The following PIP5K1A variants were observed in gnomAD, a reference collection of about 807,000 sequenced individuals.
PIP5K1A encodes phosphatidylinositol 4-phosphate 5-kinase type-1 alpha.
A neutral mutation model predicts 72.9 loss-of-function variants in PIP5K1A; 46 were observed. The ratio of observed to expected loss-of-function variants is 0.63; its 90% confidence interval spans 0.50 to 0.81. PIP5K1A has a LOEUF of 0.81. Among genes scored for constraint, PIP5K1A ranks in the 30% least tolerant of loss-of-function variants. The pLI is 0.00. For missense variants in PIP5K1A, 458 were observed against 706.1 expected, an observed-to-expected ratio of 0.65 and a Z score of 3.98; for synonymous variants, 228 against 255.1, an observed-to-expected ratio of 0.89 and a Z score of 1.01.
intron 4 of PIP5K1A, among the ~76,000 whole-genome samples, chr1:151,231,211 CAAAAAAAA>C (rs33932262): frequency 3.0e-5 from 3 of 101,464 alleles, no homozygotes; most frequent in South Asian, 3.6e-4. Flanking sequence ...GACTTAGTCT[CAAAAAAAA>C]AAAAAAAAAA....
chr1:151,197,973 C>T (rs753904280), upstream of PIP5K1A: 1 of 458,906 alleles, frequency 2.2e-6, no homozygotes, highest in African/African-American at 2.0e-5. Flanking sequence ...GTGATAAGTC[C>T]CTGATAGCCT....
chr1:151,241,886 G>T (rs1423994984), intron 12 of PIP5K1A, among the ~76,000 whole-genome samples: 2 of 152,100 alleles, frequency 1.3e-5, no homozygotes, highest in Non-Finnish European at 2.9e-5. Flanking sequence ...ATGTTGGGGG[G>T]TTAGGTGTGG....
At chr1:151,215,226 C>T (rs112588432) in intron 1 of PIP5K1A, among the ~76,000 whole-genome samples, 5 of 151,438 alleles carry the variant, frequency 3.3e-5, no homozygotes, top group East Asian at 3.9e-4. Context: ...TTAGTAAAGA[C>T]GGGGTTTCTC....
chr1:151,206,998 T>C (rs1271574275), intron 1 of PIP5K1A, among the ~76,000 whole-genome samples: 1 of 152,102 alleles, frequency 6.6e-6, no homozygotes, highest in Non-Finnish European at 1.5e-5. Context: ...GCCTCCCTAG[T>C]AGCTGGGATT....
upstream of PIP5K1A, among the ~76,000 whole-genome samples, chr1:151,198,331 C>G (rs1572106287): frequency 6.6e-6 from 1 of 152,008 alleles, no homozygotes; most frequent in South Asian, 2.1e-4. Flanking sequence ...TCAGATCACT[C>G]GACCCAGTCC....
At chr1:151,211,462 G>T (rs934701336) in intron 1 of PIP5K1A, among the ~76,000 whole-genome samples, 2 of 152,136 alleles carry the variant, frequency 1.3e-5, no homozygotes, top group African/African-American at 2.4e-5. Flanking sequence ...TCCAGCCTGG[G>T]TGACAGAGTG....
chr1:151,214,169 A>G (rs1248432639), intron 1 of PIP5K1A, among the ~76,000 whole-genome samples: 1 of 152,126 alleles, frequency 6.6e-6, no homozygotes, highest in Non-Finnish European at 1.5e-5. Flanking sequence ...TCAGTTCCCT[A>G]TTGTTCACTT....
chr1:151,236,811 CT>C (rs747553784), intron 9 of PIP5K1A, 48 bp downstream of exon 9: 1 of 579,974 alleles, frequency 1.7e-6, no homozygotes, highest in South Asian at 2.6e-5. Context: ...GCCCACAGCA[CT>C]TTTCTTTTCT....
At chr1:151,233,902 C>T in intron 7 of PIP5K1A, 1 of 350,014 alleles carries the variant, frequency 2.9e-6, no homozygotes, top group Admixed American at 4.5e-5. Context: ...TATACTATAC[C>T]CAGGGCAGAG....
At chr1:151,245,530 G>T (rs1692369956) in intron 14 of PIP5K1A, among the ~76,000 whole-genome samples, 1 of 152,040 alleles carries the variant, frequency 6.6e-6, no homozygotes, top group African/African-American at 2.4e-5. Flanking sequence ...ACAGTGGCAC[G>T]ATCTTGGTTC....
intron 5 of PIP5K1A, 82 bp downstream of exon 5, chr1:151,231,883 C>A (rs1028490547): frequency 1.6e-5 from 21 of 1,321,742 alleles, no homozygotes; most frequent in Admixed American, 3.5e-5. Context: ...GGGTTCAGGT[C>A]GGACAATTTA....
chr1:151,238,443 G>A (rs1196016159), intron 10 of PIP5K1A, 178 bp downstream of exon 10: 2 of 578,452 alleles, frequency 3.5e-6, no homozygotes, highest in East Asian at 3.0e-5. Flanking sequence ...CTCTTTCCCC[G>A]GCCTTTATAA....
At chr1:151,224,529 A>G (rs975531278) in intron 3 of PIP5K1A, 123 bp downstream of exon 3, 14 of 734,106 alleles carry the variant, frequency 1.9e-5, no homozygotes, top group Non-Finnish European at 3.1e-5. Context: ...TAAATACTGT[A>G]CCTAAGTGCC....
At chr1:151,215,644 A>G (rs1175975345) in intron 1 of PIP5K1A, among the ~76,000 whole-genome samples, 1 of 152,172 alleles carries the variant, frequency 6.6e-6, no homozygotes, top group Non-Finnish European at 1.5e-5. Context: ...TAAAAGATAA[A>G]AAAGTCTGGC....
chr1:151,196,550 A>AC (rs1684562773), upstream of PIP5K1A, among the ~76,000 whole-genome samples: 3 of 114,766 alleles, frequency 2.6e-5, no homozygotes, highest in Non-Finnish European at 5.1e-5. Flanking sequence ...ATGCATGGGG[A>AC]TTTTTTTTTT....
At chr1:151,217,894 C>T (rs1039389509) in intron 1 of PIP5K1A, among the ~76,000 whole-genome samples, 3 of 152,158 alleles carry the variant, frequency 2.0e-5, no homozygotes, top group African/African-American at 7.2e-5. Flanking sequence ...ATTCTCCTGC[C>T]TCAGACTCGC....
rs762258781 is a variant in PIP5K1A at position 151,247,976 on chromosome 1, G to A, written c.*111G>A. ...TTCTTCTACTTGGTCATCAAAAAAG[G>A]AGTGTAATAGAAGTGAGGGGAGCTG... is the stretch of plus-strand genomic sequence containing the variant. On this transcript the variant is annotated 3_prime_UTR_variant, in exon 16 of 16. Coordinates refer to ENST00000368888, the MANE Select transcript of PIP5K1A (RefSeq NM_001135638.2). 38 of 939,736 alleles carry A rather than the reference G, an allele frequency of 4.0e-5. No homozygotes were observed. Among genetic ancestry groups the A allele is most frequent in the Middle Eastern group, 5.5e-4 (2 of 3,616 alleles). 58.2% of individuals were successfully genotyped at this position (939,736 alleles called of 1,614,324 possible).
intron 12 of PIP5K1A, among the ~76,000 whole-genome samples, chr1:151,241,541 G>A (rs587631707): frequency 6.6e-6 from 1 of 151,346 alleles, no homozygotes; most frequent in Non-Finnish European, 1.5e-5. Context: ...TGGCTCATAC[G>A]TATAATCCCA....
intron 7 of PIP5K1A, among the ~76,000 whole-genome samples, chr1:151,233,008 G>A (rs587757465): frequency 6.6e-6 from 1 of 150,802 alleles, no homozygotes; most frequent in South Asian, 2.1e-4. Flanking sequence ...GCTGAGACAG[G>A]AGAATGGCGT....
Sources: gnomAD v4.1 joint callset for allele counts (sites outside exome capture counted in the v4.1 genomes callset) on GRCh38, gnomAD v4.1.1 for gene constraint, MANE v1.5 for transcripts, NCBI Gene and HGNC (gene_info 2026-07-23, HGNC 2026-07-21) for gene names.